NKAIN3: variants seen among roughly 807,000 people sequenced by gnomAD.
The protein encoded by NKAIN3 is sodium/potassium transporting ATPase interacting 3.
A neutral mutation model predicts 30.2 loss-of-function variants in NKAIN3; 25 were observed. That is an observed-to-expected ratio of 0.83 (90% CI 0.60 to 1.16). NKAIN3 has a LOEUF of 1.16. NKAIN3 is among the 50% of genes most tolerant of loss of function. The pLI is 0.00. For missense variants in NKAIN3, 225 were observed against 254.1 expected (o/e 0.89, Z 0.78); for synonymous variants, 91 against 89.6 (o/e 1.02, Z -0.09).
At chr8:62,254,904 A>G (rs1318289443) in intron 1 of NKAIN3, among the ~76,000 whole-genome samples, 1 of 152,248 alleles carries the variant, frequency 6.6e-6, no homozygotes, top group African/African-American at 2.4e-5. Flanking sequence ...TAGTTGTAAT[A>G]AATGACATAG....
At chr8:62,429,299 T>C (rs1804919865) in intron 1 of NKAIN3, among the ~76,000 whole-genome samples, 1 of 151,892 alleles carries the variant, frequency 6.6e-6, no homozygotes, top group Non-Finnish European at 1.5e-5. Context: ...CCCACTTTGT[T>C]GAGAGTTTTT....
chr8:62,490,556 C>T (rs1483270846), intron 1 of NKAIN3, among the ~76,000 whole-genome samples: 1 of 152,128 alleles, frequency 6.6e-6, no homozygotes, highest in Non-Finnish European at 1.5e-5. Context: ...AAATCTTCCT[C>T]AGAAAGTCTG....
At chr8:62,821,533 T>G (rs1350840463) in intron 4 of NKAIN3, among the ~76,000 whole-genome samples, 1 of 152,148 alleles carries the variant, frequency 6.6e-6, no homozygotes, top group African/African-American at 2.4e-5. Flanking sequence ...GGGAACTCTT[T>G]GGGCAAGAAA....
downstream of NKAIN3, among the ~76,000 whole-genome samples, chr8:62,989,805 T>A (rs1824282365): frequency 1.3e-5 from 2 of 152,212 alleles, no homozygotes; most frequent in Admixed American, 1.3e-4. Context: ...CCTAAGAAAT[T>A]TAGTATTACT....
At chr8:62,535,244 A>G (rs1425165969) in intron 1 of NKAIN3, among the ~76,000 whole-genome samples, 1 of 152,114 alleles carries the variant, frequency 6.6e-6, no homozygotes, top group Non-Finnish European at 1.5e-5. Flanking sequence ...TTATGTTCGG[A>G]AAACTCTCTC....
At chr8:62,687,819 C>T (rs532703744) in intron 3 of NKAIN3, among the ~76,000 whole-genome samples, 3 of 152,300 alleles carry the variant, frequency 2.0e-5, no homozygotes, top group East Asian at 3.9e-4. Context: ...TTCAACTTCC[C>T]TTGAAGGTTT....
chr8:62,882,499 G>T (rs186868086), intron 4 of NKAIN3, among the ~76,000 whole-genome samples: 17 of 151,996 alleles, frequency 1.1e-4, no homozygotes, highest in Non-Finnish European at 2.1e-4. Context: ...TGTATTTTTA[G>T]TAGAGACAGG....
At chr8:62,787,049 A>G (rs1270711180) in intron 4 of NKAIN3, among the ~76,000 whole-genome samples, 1 of 152,182 alleles carries the variant, frequency 6.6e-6, no homozygotes, top group Non-Finnish European at 1.5e-5. Flanking sequence ...AACAAATGCA[A>G]GAACAGCAGG....
At chr8:62,445,700 C>T (rs1448220908) in intron 1 of NKAIN3, among the ~76,000 whole-genome samples, 1 of 152,142 alleles carries the variant, frequency 6.6e-6, no homozygotes, top group African/African-American at 2.4e-5. Context: ...TCTGTCCTCA[C>T]TCCTTGTTCT....
chr8:62,375,443 G>C (rs1183400394), intron 1 of NKAIN3, among the ~76,000 whole-genome samples: 1 of 152,156 alleles, frequency 6.6e-6, no homozygotes, highest in Non-Finnish European at 1.5e-5. Context: ...TGTGCTGGAG[G>C]GAGAGCTCAG....
Position 62,821,995 on chromosome 8 carries a change from T to C in NKAIN3, c.471+74866T>C, listed in dbSNP as rs570864058. On this transcript the variant is annotated intron_variant, in intron 4 of 6. Coordinates refer to ENST00000623646, the MANE Select transcript of NKAIN3 (RefSeq NM_001304533.3). Reference sequence around the variant, plus strand: ...ACGGAAAAGCCTTTATAGAGGGTGATGGGCAAAGCCACAGATTAGGGCTGG... The same window carrying C: ...ACGGAAAAGCCTTTATAGAGGGTGACGGGCAAAGCCACAGATTAGGGCTGG... 2.6e-5 allele frequency among the ~76,000 whole-genome samples: 4 copies of C among 152,214 alleles called. No individual in the cohort carries two copies. In the East Asian group the frequency reaches 7.8e-4, roughly 30 times the overall value.
intron 4 of NKAIN3, among the ~76,000 whole-genome samples, chr8:62,839,750 G>T (rs553116042): frequency 6.6e-6 from 1 of 151,850 alleles, no homozygotes; most frequent in Non-Finnish European, 1.5e-5. Context: ...TGAGTAGCTG[G>T]TACTACAGGT....
At chr8:62,934,696 A>G (rs1822727524) in intron 5 of NKAIN3, among the ~76,000 whole-genome samples, 1 of 152,150 alleles carries the variant, frequency 6.6e-6, no homozygotes, top group African/African-American at 2.4e-5. Flanking sequence ...GTGAATCTAA[A>G]GGAATAACAC....
chr8:62,934,416 C>T (rs1264212095), intron 5 of NKAIN3, among the ~76,000 whole-genome samples: 1 of 151,792 alleles, frequency 6.6e-6, no homozygotes, highest in African/African-American at 2.4e-5. Context: ...AGAAAAATAA[C>T]TTATTTTTTC....
At chr8:62,902,110 C>G (rs931235870) in intron 4 of NKAIN3, among the ~76,000 whole-genome samples, 80 of 152,246 alleles carry the variant, frequency 5.3e-4, no homozygotes, top group African/African-American at 1.9e-3. Flanking sequence ...CTCTGGGGAC[C>G]TCAGCTCTCA....
At chr8:62,419,845 G>A (rs997468038) in intron 1 of NKAIN3, among the ~76,000 whole-genome samples, 1 of 152,138 alleles carries the variant, frequency 6.6e-6, no homozygotes, top group African/African-American at 2.4e-5. Context: ...AGTTCCCATA[G>A]GTCCAACCAC....
chr8:62,769,524 C>T (rs1411515403), intron 4 of NKAIN3, among the ~76,000 whole-genome samples: 1 of 152,090 alleles, frequency 6.6e-6, no homozygotes, highest in Non-Finnish European at 1.5e-5. Flanking sequence ...AAAAATTCAC[C>T]AATGAATTGA....
At chr8:62,391,663 A>G (rs1817586378) in intron 1 of NKAIN3, among the ~76,000 whole-genome samples, 1 of 152,112 alleles carries the variant, frequency 6.6e-6, no homozygotes, top group Non-Finnish European at 1.5e-5. Flanking sequence ...TTTAGTGAAA[A>G]TAAAGGCAAT....
intron 5 of NKAIN3, among the ~76,000 whole-genome samples, chr8:62,948,434 A>G (rs1321407032): frequency 1.3e-5 from 2 of 152,100 alleles, no homozygotes; most frequent in Non-Finnish European, 2.9e-5. Context: ...TCTTGACATC[A>G]TGATCTGCCT....
Sources: gnomAD v4.1 joint callset for allele counts (sites outside exome capture counted in the v4.1 genomes callset) on GRCh38, gnomAD v4.1.1 for gene constraint, MANE v1.5 for transcripts, NCBI Gene and HGNC (gene_info 2026-07-23, HGNC 2026-07-21) for gene names.